The following EXOC6B variants were observed in gnomAD, a reference collection of about 807,000 sequenced individuals.
EXOC6B encodes exocyst complex component 6B.
A neutral mutation model predicts 113.5 loss-of-function variants in EXOC6B; 54 were observed. That is an observed-to-expected ratio of 0.48 (90% CI 0.38 to 0.60). The LOEUF (loss-of-function observed/expected upper bound fraction) is 0.60, where lower values mean the gene tolerates loss of function less well. EXOC6B is among the 20% of genes least tolerant of loss of function. The probability of loss-of-function intolerance (pLI) is 0.00; values close to 1 mark genes in which losing one functional copy is unlikely to be tolerated. For missense variants in EXOC6B, 797 were observed against 977.5 expected (o/e 0.82, Z 2.46); for synonymous variants, 357 against 339.0 (o/e 1.05, Z -0.58).
chr2:72,639,590 T>A (rs1673088001), intron 6 of EXOC6B, among the ~76,000 whole-genome samples: 2 of 152,156 alleles, frequency 1.3e-5, no homozygotes, highest in South Asian at 4.1e-4. Flanking sequence ...TACCAAACGT[T>A]ATGGTTGACA....
chr2:72,382,869 AT>A (rs1363719456), intron 18 of EXOC6B, among the ~76,000 whole-genome samples: 1 of 152,128 alleles, frequency 6.6e-6, no homozygotes, highest in Non-Finnish European at 1.5e-5. Context: ...ATTTTTGTAC[AT>A]TGATTTTGTG....
intron 18 of EXOC6B, among the ~76,000 whole-genome samples, chr2:72,424,108 G>A (rs901230283): frequency 7.1e-6 from 1 of 141,290 alleles, no homozygotes; most frequent in Non-Finnish European, 1.5e-5. Flanking sequence ...AAAGGTTACT[G>A]TTATTTTTGC....
At chr2:72,316,891 G>C (rs574161664) in intron 20 of EXOC6B, among the ~76,000 whole-genome samples, 1 of 152,334 alleles carries the variant, frequency 6.6e-6, no homozygotes, top group South Asian at 2.1e-4. Flanking sequence ...GAGCCAAGCT[G>C]TGAAGGAAGA....
intron 19 of EXOC6B, among the ~76,000 whole-genome samples, chr2:72,359,620 T>C (rs1464078450): frequency 6.6e-6 from 1 of 152,212 alleles, no homozygotes; most frequent in Non-Finnish European, 1.5e-5. Flanking sequence ...TATTAGGGAA[T>C]GAGTTGCCAA....
At chr2:72,426,463 C>T (rs185804168) in intron 18 of EXOC6B, among the ~76,000 whole-genome samples, 4 of 152,140 alleles carry the variant, frequency 2.6e-5, no homozygotes, top group African/African-American at 7.2e-5. Flanking sequence ...TTTGGTAGTA[C>T]TCATATACAG....
intron 8 of EXOC6B, among the ~76,000 whole-genome samples, chr2:72,554,900 C>T (rs980465601): frequency 1.3e-5 from 2 of 152,034 alleles, no homozygotes; most frequent in Admixed American, 1.3e-4. Context: ...TGCTATCCCT[C>T]CCCCAGACCC....
At chr2:72,812,934 G>T (rs1686003585) in intron 1 of EXOC6B, among the ~76,000 whole-genome samples, 1 of 151,896 alleles carries the variant, frequency 6.6e-6, no homozygotes, top group Non-Finnish European at 1.5e-5. Context: ...ATCTGCAAAA[G>T]ACCCTTTTAA....
chr2:72,671,330 A>C (rs1675779308), intron 6 of EXOC6B, among the ~76,000 whole-genome samples: 3 of 152,112 alleles, frequency 2.0e-5, no homozygotes, highest in African/African-American at 2.4e-5. Context: ...ACAAAATCTC[A>C]TTTAAAAATG....
Position 72,596,456 on chromosome 2 carries a change from C to CTA in EXOC6B, c.670-20789_670-20788insTA, listed in dbSNP as rs1470837840. ...CTGAGTTTTACCTTTAGGAGCTTTC[C>CTA]AAGGTTCTCATGGAGAACATCCAAA... On this transcript the variant is annotated intron_variant, in intron 6 of 21. Transcript: ENST00000272427. Among the ~76,000 whole-genome samples the CTA allele has an allele frequency of 4.6e-5, 7 of 152,112 alleles. No homozygotes were observed. In the East Asian group the frequency reaches 1.4e-3, roughly 30 times the overall value.
chr2:72,602,015 G>A (rs987531097), intron 6 of EXOC6B, among the ~76,000 whole-genome samples: 2 of 152,202 alleles, frequency 1.3e-5, no homozygotes, highest in African/African-American at 2.4e-5. Flanking sequence ...ATTGGTGGGA[G>A]AAAGGAGGAG....
chr2:72,674,204 T>C (rs1210992031), intron 6 of EXOC6B, among the ~76,000 whole-genome samples: 3 of 152,170 alleles, frequency 2.0e-5, no homozygotes, highest in Non-Finnish European at 4.4e-5. Context: ...GTTTCAGCTA[T>C]CTCACTTCAC....
At chr2:72,580,142 T>A (rs1344717478) in intron 6 of EXOC6B, among the ~76,000 whole-genome samples, 1 of 143,630 alleles carries the variant, frequency 7.0e-6, no homozygotes, top group African/African-American at 2.6e-5. Context: ...AGAATTTTTT[T>A]TTTTTTTTTT....
At chr2:72,314,881 A>T (rs2104805205) in intron 20 of EXOC6B, among the ~76,000 whole-genome samples, 1 of 152,326 alleles carries the variant, frequency 6.6e-6, no homozygotes, top group Admixed American at 6.5e-5. Flanking sequence ...TGTATTAAGG[A>T]TTGTTCCAGG....
rs932949053 is a variant in EXOC6B at position 72,643,806 on chromosome 2, T to A, written c.670-68138A>T. Among the ~76,000 whole-genome samples, 10 of 146,510 alleles carry A rather than the reference T, an allele frequency of 6.8e-5. No individual in the cohort carries two copies. In the South Asian group the frequency reaches 1.5e-3, roughly 22 times the overall value. The stretch of plus-strand genomic sequence containing the variant: ...AAAAAAAAAGAAGCAATAAAAAAAA[T>A]TAAAAAATAAATAAATAAATAAATA... On this transcript the variant is annotated intron_variant, in intron 6 of 21. Transcript: ENST00000272427.
At chr2:72,587,337 T>G (rs1705656237) in intron 6 of EXOC6B, among the ~76,000 whole-genome samples, 1 of 152,228 alleles carries the variant, frequency 6.6e-6, no homozygotes, top group East Asian at 1.9e-4. Context: ...TACTGCATGT[T>G]CTCACTTATA....
At chr2:72,704,966 T>C (rs1432051254) in intron 6 of EXOC6B, among the ~76,000 whole-genome samples, 4 of 152,036 alleles carry the variant, frequency 2.6e-5, no homozygotes, top group Non-Finnish European at 2.9e-5. Flanking sequence ...GAATCCTCCC[T>C]AACTCATTTT....
At chr2:72,403,706 T>TA (rs1261594314) in intron 18 of EXOC6B, among the ~76,000 whole-genome samples, 8 of 151,960 alleles carry the variant, frequency 5.3e-5, no homozygotes, top group Non-Finnish European at 8.8e-5. Context: ...ACCCTGTCCT[T>TA]AAAAAAGTAA....
At chr2:72,595,724 G>A (rs1164739969) in intron 6 of EXOC6B, among the ~76,000 whole-genome samples, 14 of 151,838 alleles carry the variant, frequency 9.2e-5, no homozygotes, top group Admixed American at 9.2e-4. Context: ...TAAGAAGACA[G>A]ACAAAAATAT....
At chr2:72,446,643 A>T (rs758339020) in intron 18 of EXOC6B, among the ~76,000 whole-genome samples, 1 of 152,130 alleles carries the variant, frequency 6.6e-6, no homozygotes, top group Non-Finnish European at 1.5e-5. Context: ...GGGAAGAAGG[A>T]GCAGAGCAGA....
Sources: allele counts gnomAD v4.1 joint callset (sites outside exome capture counted in the v4.1 genomes callset), GRCh38; gene constraint gnomAD v4.1.1; transcripts MANE v1.5; gene names NCBI Gene and HGNC (gene_info 2026-07-23, HGNC 2026-07-21).